The following RAB3D variants were observed in gnomAD, a reference collection of about 807,000 sequenced individuals.
RAB3D encodes ras-related protein Rab-3D.
Under a neutral mutation model 19.3 loss-of-function variants are expected in RAB3D, and 17 were observed. The ratio of observed to expected loss-of-function variants is 0.88; its 90% CI spans 0.60 to 1.32. RAB3D has a LOEUF of 1.32. Ranked by LOEUF, RAB3D falls within the 40% of genes most tolerant of loss-of-function variation. The pLI, the probability that RAB3D is intolerant of heterozygous loss-of-function variation, is 0.00. For synonymous variants in RAB3D, 103 were observed against 119.9 expected (o/e 0.86, Z 0.92); for missense variants, 223 against 299.1 (o/e 0.75, Z 1.88).
At chr19:11,335,339 G>C in intron 4 of RAB3D, 108 bp downstream of exon 4, 1 of 1,483,136 alleles carries the variant, frequency 6.7e-7, no homozygotes, top group Non-Finnish European at 9.2e-7. Context: ...GTATCTTCCT[G>C]GGCAGATCCT....
intron 2 of RAB3D, 102 bp from the exon 3 acceptor site, chr19:11,335,885 G>T: frequency 2.8e-6 from 3 of 1,071,210 alleles, no homozygotes; most frequent in Non-Finnish European, 4.3e-6. Context: ...AGCCTTACGG[G>T]GGAGACACAG....
At chr19:11,329,496 G>A (rs62131129) in intron 4 of RAB3D, among the ~76,000 whole-genome samples, 97,225 of 151,292 alleles carry the variant, frequency 0.64, 33,269 homozygotes, top group African/African-American at 0.89. Flanking sequence ...AATCCCAGCT[G>A]TTCGGGAGGC....
intron 4 of RAB3D, among the ~76,000 whole-genome samples, chr19:11,329,366 T>C: frequency 6.6e-6 from 1 of 151,796 alleles, no homozygotes; most frequent in Non-Finnish European, 1.5e-5. Context: ...CCCAGCAGTT[T>C]GGGAGGCCGA....
chr19:11,337,386 C>G lies in RAB3D; in HGVS notation c.14G>C (p.Gly5Ala). MASA[G>A]DTQAGPRDAA... Reference sequence around the variant, plus strand: ...ATCCCGTGGGCCTGCCTGGGTGTCTCCAGCTGATGCCATCTTGGCACAAGC... The same window carrying G: ...ATCCCGTGGGCCTGCCTGGGTGTCTGCAGCTGATGCCATCTTGGCACAAGC... The change falls in exon 2 of 5, where the codon GGA becomes GCA. Residue 5 changes from glycine to alanine, a missense_variant. Coordinates refer to ENST00000222120, the MANE Select transcript of RAB3D (RefSeq NM_004283.4). 1 of 1,613,548 alleles carries G rather than the reference C, an allele frequency of 6.2e-7. No individual in the cohort carries two copies.
rs138936159 is a variant in RAB3D, at chr19:11,334,795, C to T, written c.472+652G>A. On this transcript the variant is annotated intron_variant, in intron 4 of 4. Coordinates refer to ENST00000222120, the MANE Select transcript of RAB3D (RefSeq NM_004283.4). ...AAAAATTAGCTGGGCATGTGGCACGCGCCAGTAGTACCAGCTACTTGGGAG... is the reference window on the plus strand; with the variant it reads ...AAAAATTAGCTGGGCATGTGGCACGTGCCAGTAGTACCAGCTACTTGGGAG... Among the ~76,000 whole-genome samples the T allele has an allele frequency of 3.7e-4, 56 of 152,114 alleles. 1 individual carries two copies. The East Asian group carries it at 8.2e-3, about 22-fold the overall frequency.
At chr19:11,325,910 CAATAA>C (rs2147965656) in intron 4 of RAB3D, among the ~76,000 whole-genome samples, 2 of 151,856 alleles carry the variant, frequency 1.3e-5, no homozygotes, top group African/African-American at 4.8e-5. Context: ...CCTATCTCTA[CAATAA>C]ATTTTTTTAA....
rs1213183302 is a variant in RAB3D at position 11,324,366 on chromosome 19, C to T, written c.*1032G>A. ...ATGGACATTGGGTCTTGAAGGGCCC[C>T]CCTCAAGTCGGAGCCCAGGTGCTTA... is the stretch of plus-strand genomic sequence containing the variant. On this transcript the variant is annotated 3_prime_UTR_variant, in exon 5 of 5. Transcript: ENST00000222120. The T allele has an allele frequency of 1.3e-5, 2 of 152,242 alleles. No homozygotes were observed. The highest frequency in any genetic ancestry group is 1.3e-4 in the Admixed American group (2 of 15,274). 9.4% of individuals were successfully genotyped at this position (152,242 alleles called of 1,614,324 possible).
intron 2 of RAB3D, among the ~76,000 whole-genome samples, 161 bp downstream of exon 2, chr19:11,337,011 T>C (rs1599360399): frequency 6.7e-6 from 1 of 148,540 alleles, no homozygotes; most frequent in African/African-American, 2.5e-5. Flanking sequence ...GGAGAATCGC[T>C]TGAACCCAGG....
intron 2 of RAB3D, among the ~76,000 whole-genome samples, chr19:11,336,186 G>A (rs1966894065): frequency 6.6e-6 from 1 of 152,180 alleles, no homozygotes. Context: ...GGCTAAGTTG[G>A]GAGAGGGAGC....
At chr19:11,334,748 C>A (rs1378499615) in intron 4 of RAB3D, among the ~76,000 whole-genome samples, 1 of 152,152 alleles carries the variant, frequency 6.6e-6, no homozygotes, top group African/African-American at 2.4e-5. Flanking sequence ...CATGGTGAAA[C>A]CCCATCTTTA....
At chr19:11,333,131 G>C (rs1313723894) in intron 4 of RAB3D, among the ~76,000 whole-genome samples, 10 of 150,570 alleles carry the variant, frequency 6.6e-5, no homozygotes, top group African/African-American at 2.2e-4. Context: ...CCAGGCTGGA[G>C]TGTAGTGGCG....
At position 11,322,646 on chromosome 19, in the gene RAB3D, G is replaced by T. The variant is rs913761929; in HGVS notation, c.*2752C>A. On this transcript the variant is annotated 3_prime_UTR_variant, in exon 5 of 5. Coordinates refer to ENST00000222120, the MANE Select transcript of RAB3D (RefSeq NM_004283.4). ...AACCTCACCCCCCAAATCATTCAAT[G>T]TAACATTTGCCTTATTTTTAGAAGA... 6.6e-6 allele frequency: 1 copy of T among 152,136 alleles called. No individual in the cohort carries two copies. Among genetic ancestry groups the T allele is most frequent in the African/African-American group, 2.4e-5 (1 of 41,440 alleles). 9.4% of individuals were successfully genotyped at this position (152,136 alleles called of 1,614,324 possible). A position where few individuals can be genotyped will look rare whatever the true frequency, so the allele number is the denominator to read the frequency against.
intron 1 of RAB3D, among the ~76,000 whole-genome samples, chr19:11,338,114 C>G (rs8104913): frequency 5.3e-5 from 8 of 152,284 alleles, no homozygotes; most frequent in African/African-American, 1.7e-4. Flanking sequence ...TATTAACACA[C>G]GTAACGGTCA....
At chr19:11,328,332 T>C (rs1208105423) in intron 4 of RAB3D, among the ~76,000 whole-genome samples, 6 of 59,648 alleles carry the variant, frequency 1.0e-4, no homozygotes, top group Non-Finnish European at 1.5e-4. Context: ...AGATATTATC[T>C]CAAAAAAAAA....
chr19:11,325,340 C>T lies in RAB3D; in HGVS notation c.*58G>A. The T allele has an allele frequency of 8.2e-7, 1 of 1,217,248 alleles. No individual in the cohort carries two copies. Among genetic ancestry groups the T allele is most frequent in the African/African-American group, 1.5e-5 (1 of 65,126 alleles). 75.4% of individuals were successfully genotyped at this position (1,217,248 alleles called of 1,614,324 possible). On this transcript the variant is annotated 3_prime_UTR_variant, in exon 5 of 5. Transcript: ENST00000222120. ...TGGAGATAACCACTGTGGCTCACGC[C>T]TCGATCACAGTCCCTGCCGAGGCAG...
chr19:11,327,370 G>A (rs567034524), intron 4 of RAB3D, among the ~76,000 whole-genome samples: 8 of 152,206 alleles, frequency 5.3e-5, no homozygotes, highest in East Asian at 1.9e-4. Flanking sequence ...TTATCCACGC[G>A]TGGCTTTGCC....
chr19:11,331,167 T>C (rs1328291780), intron 4 of RAB3D, among the ~76,000 whole-genome samples: 1 of 151,732 alleles, frequency 6.6e-6, no homozygotes, highest in Non-Finnish European at 1.5e-5. Context: ...TGGTGGTGGG[T>C]GCCTGTAATC....
At chr19:11,338,624 C>T (rs561733885) in intron 1 of RAB3D, among the ~76,000 whole-genome samples, 1 of 152,246 alleles carries the variant, frequency 6.6e-6, no homozygotes, top group East Asian at 1.9e-4. Context: ...TCAAAGGGGC[C>T]AGGCCTGTCT....
In RAB3D at chr19:11,325,167, TGCC is replaced by T. The variant is rs1280933070; in HGVS notation, c.*228_*230del. 27 of 485,180 alleles carry T rather than the reference TGCC, an allele frequency of 5.6e-5. No individual in the cohort carries two copies. In the East Asian group the frequency reaches 7.0e-4, roughly 13 times the overall value. The allele number at this position is 485,180 out of a possible 1,614,324, so 30.1% of individuals were successfully genotyped here. A position where few individuals can be genotyped will look rare whatever the true frequency, so the allele number is the denominator to read the frequency against. ...ATGCACGTCAGTGTCCCTGGGCCTC[TGCC>T]TGCCATGCAGAGCTGAGTCCCCATG... On this transcript the variant is annotated 3_prime_UTR_variant, in exon 5 of 5. Transcript: ENST00000222120.
Sources: gnomAD v4.1 joint callset for allele counts (sites outside exome capture counted in the v4.1 genomes callset) on GRCh38, gnomAD v4.1.1 for gene constraint, MANE v1.5 for transcripts, NCBI Gene and HGNC (gene_info 2026-07-23, HGNC 2026-07-21) for gene names.